Variants in CUX1 observed in about 807,000 individuals in gnomAD.
CUX1 encodes the protein protein CASP.
CUX1 carries 31 observed loss-of-function variants against 158.8 expected under a neutral mutation model. The observed-to-expected ratio is 0.20, with a 90% CI of 0.15 to 0.26. CUX1 has a LOEUF of 0.26. Ranked by LOEUF, CUX1 falls within the 10% of genes least tolerant of loss-of-function variation. The pLI, the probability that CUX1 is intolerant of heterozygous loss-of-function variation, is 1.00. For synonymous variants in CUX1, 879 were observed against 862.1 expected (o/e 1.02, Z -0.34); for missense variants, 1,589 against 2,014.6 (o/e 0.79, Z 4.04).
At chr7:102,233,929 T>C (rs782012088) in intron 21 of CUX1, 123 bp from the exon 22 acceptor site, 93 of 620,256 alleles carry the variant, frequency 1.5e-4, no homozygotes, top group Non-Finnish European at 2.3e-4. Flanking sequence ...TAAGCTAGGA[T>C]GTCACCAGCC....
intron 12 of CUX1, among the ~76,000 whole-genome samples, chr7:102,192,900 G>A (rs1272553723): frequency 6.6e-6 from 1 of 152,140 alleles, no homozygotes; most frequent in Non-Finnish European, 1.5e-5. Context: ...ACAGCAAAAG[G>A]AACTCAAGAA....
At chr7:102,133,275 C>G (rs1234002157) in intron 8 of CUX1, among the ~76,000 whole-genome samples, 1 of 151,952 alleles carries the variant, frequency 6.6e-6, no homozygotes, top group Admixed American at 6.6e-5. Flanking sequence ...GCCTTTCTTT[C>G]CCCAGCTCAC....
At chr7:102,134,496 A>AGG (rs1371679303) in intron 8 of CUX1, among the ~76,000 whole-genome samples, 2 of 152,190 alleles carry the variant, frequency 1.3e-5, no homozygotes, top group Non-Finnish European at 2.9e-5. Context: ...AGACTTCCAG[A>AGG]GGGGACCGTG....
At chr7:102,006,441 C>T (rs536155873) in intron 2 of CUX1, among the ~76,000 whole-genome samples, 6 of 152,226 alleles carry the variant, frequency 3.9e-5, no homozygotes, top group African/African-American at 7.2e-5. Flanking sequence ...CTATCACCCA[C>T]GCTAGAGTGA....
At chr7:101,821,737 C>T (rs1333893637) in intron 1 of CUX1, among the ~76,000 whole-genome samples, 2 of 115,372 alleles carry the variant, frequency 1.7e-5, no homozygotes, top group Non-Finnish European at 3.3e-5. Flanking sequence ...TGCAGTGGTG[C>T]GATCTCGGCT....
chr7:102,279,283 G>A (rs574190244), intron 18 of CUX1, among the ~76,000 whole-genome samples: 4 of 152,336 alleles, frequency 2.6e-5, no homozygotes, highest in African/African-American at 9.6e-5. Flanking sequence ...GGAGGTTGCA[G>A]TGAGCCGAGG....
intron 22 of CUX1, among the ~76,000 whole-genome samples, chr7:102,235,798 A>ACGCG (rs1194720469): frequency 2.2e-5 from 3 of 135,576 alleles, no homozygotes; most frequent in African/African-American, 8.5e-5. Context: ...ACACACACAC[A>ACGCG]CGCGCACACA....
intron 2 of CUX1, among the ~76,000 whole-genome samples, chr7:101,946,416 C>T (rs445345): frequency 0.11 from 16,664 of 151,962 alleles, 1,101 homozygotes; most frequent in Non-Finnish European, 0.15. Context: ...TGGTGGTGTG[C>T]GTCTGTAATT....
intron 4 of CUX1, among the ~76,000 whole-genome samples, chr7:102,093,469 G>A (rs1259382947): frequency 6.6e-6 from 1 of 152,186 alleles, no homozygotes; most frequent in Non-Finnish European, 1.5e-5. Flanking sequence ...TTACAGGTGT[G>A]AGCCACTGTG....
chr7:101,848,560 C>T (rs1795947111), intron 1 of CUX1, among the ~76,000 whole-genome samples: 1 of 152,112 alleles, frequency 6.6e-6, no homozygotes, highest in Non-Finnish European at 1.5e-5. Context: ...TGAATTTTCT[C>T]CCCCTTGTAT....
At chr7:101,990,990 A>G (rs1380953189) in intron 2 of CUX1, among the ~76,000 whole-genome samples, 1 of 152,126 alleles carries the variant, frequency 6.6e-6, no homozygotes, top group Non-Finnish European at 1.5e-5. Context: ...ATCTTTACGG[A>G]GTCTCATCAA....
chr7:101,843,323 A>T (rs1039317609), intron 1 of CUX1, among the ~76,000 whole-genome samples: 2 of 152,162 alleles, frequency 1.3e-5, no homozygotes, highest in Non-Finnish European at 2.9e-5. Context: ...AGAATCTTTG[A>T]TAAGTGAATT....
chr7:101,897,811 G>T (rs1801677597), intron 1 of CUX1, among the ~76,000 whole-genome samples: 2 of 152,086 alleles, frequency 1.3e-5, no homozygotes, highest in Admixed American at 6.6e-5. Context: ...TTTGCTTATT[G>T]GTGTGTGTGT....
intron 1 of CUX1, among the ~76,000 whole-genome samples, 181 bp from the exon 2 acceptor site, chr7:101,915,934 G>A (rs1804141630): frequency 6.6e-6 from 1 of 152,100 alleles, no homozygotes; most frequent in Admixed American, 6.5e-5. Context: ...CGTGGGATGG[G>A]GGGATAATGT....
At chr7:102,205,448 G>C (rs1420265390) in intron 20 of CUX1, among the ~76,000 whole-genome samples, 1 of 152,162 alleles carries the variant, frequency 6.6e-6, no homozygotes, top group Admixed American at 6.5e-5. Flanking sequence ...GTCTAAGTCG[G>C]AGACAGATTC....
intron 8 of CUX1, among the ~76,000 whole-genome samples, chr7:102,144,553 C>T (rs1834823384): frequency 6.6e-6 from 1 of 151,848 alleles, no homozygotes; most frequent in Admixed American, 6.6e-5. Context: ...CACCTGCAGT[C>T]CCAGCAACTC....
At chr7:102,088,782 C>A (rs1391844648) in intron 4 of CUX1, among the ~76,000 whole-genome samples, 1 of 152,132 alleles carries the variant, frequency 6.6e-6, no homozygotes, top group Non-Finnish European at 1.5e-5. Context: ...ATCTTTTTCT[C>A]TTCACCATTT....
intron 6 of CUX1, among the ~76,000 whole-genome samples, chr7:102,105,486 G>T (rs1830241633): frequency 6.8e-6 from 1 of 146,174 alleles, no homozygotes; most frequent in Non-Finnish European, 1.5e-5. Flanking sequence ...TGAGCTTACG[G>T]ATCCCAACCA....
chr7:101,957,833 C>T (rs771578365), intron 2 of CUX1, among the ~76,000 whole-genome samples: 16 of 152,074 alleles, frequency 1.1e-4, no homozygotes, highest in African/African-American at 2.2e-4. Flanking sequence ...AAAGACTCTT[C>T]GTACTTATTA....
Sources: allele counts gnomAD v4.1 joint callset (sites outside exome capture counted in the v4.1 genomes callset), GRCh38; gene constraint gnomAD v4.1.1; transcripts MANE v1.5; gene names NCBI Gene and HGNC (gene_info 2026-07-23, HGNC 2026-07-21).